Variants in TDRD9 observed in about 807,000 individuals in gnomAD.
TDRD9 encodes ATP-dependent RNA helicase TDRD9.
TDRD9 carries 124 observed loss-of-function variants against 172.6 expected under a neutral mutation model. The ratio of observed to expected loss-of-function variants is 0.72; its 90% CI spans 0.62 to 0.83. The LOEUF (loss-of-function observed/expected upper bound fraction) is 0.83, where lower values mean the gene tolerates loss of function less well. Among genes scored for constraint, TDRD9 ranks in the 40% least tolerant of loss-of-function variants. The pLI is 0.00. For missense variants in TDRD9, 1,479 were observed against 1,714.1 expected (o/e 0.86, Z 2.42); for synonymous variants, 619 against 617.1 (o/e 1.00, Z -0.05).
At chr14:103,936,752 A>G (rs1397636223) in intron 1 of TDRD9, among the ~76,000 whole-genome samples, 5 of 152,210 alleles carry the variant, frequency 3.3e-5, no homozygotes, top group Non-Finnish European at 7.3e-5. Flanking sequence ...CCAGTAATCT[A>G]GCACCTAGAA....
intron 13 of TDRD9, among the ~76,000 whole-genome samples, chr14:104,001,489 G>A (rs948123560): frequency 6.6e-6 from 1 of 152,136 alleles, no homozygotes; most frequent in East Asian, 1.9e-4. Flanking sequence ...AATTCTTGCC[G>A]TGTAAATAAA....
chr14:103,964,542 T>C (rs921410287), intron 3 of TDRD9, among the ~76,000 whole-genome samples: 2 of 151,940 alleles, frequency 1.3e-5, no homozygotes, highest in African/African-American at 4.9e-5. Context: ...TGTTTGTTTG[T>C]TTTGAGATGG....
intron 1 of TDRD9, among the ~76,000 whole-genome samples, chr14:103,948,533 G>A (rs1368974480): frequency 2.6e-5 from 4 of 152,152 alleles, no homozygotes; most frequent in South Asian, 2.1e-4. Flanking sequence ...TTGAAGAGAT[G>A]TTTGTACACC....
intron 13 of TDRD9, among the ~76,000 whole-genome samples, chr14:104,001,522 A>G (rs1595970171): frequency 6.6e-6 from 1 of 152,204 alleles, no homozygotes; most frequent in East Asian, 1.9e-4. Flanking sequence ...ATTCATGTAC[A>G]GGTTTTTGTG....
chr14:104,047,642 C>T (rs977833619), intron 34 of TDRD9, among the ~76,000 whole-genome samples: 4 of 152,314 alleles, frequency 2.6e-5, no homozygotes, highest in Admixed American at 6.5e-5. Context: ...TGGTGTTAAA[C>T]GCGTGCTGAC....
chr14:103,962,208 T>C (rs2032540352), intron 2 of TDRD9, among the ~76,000 whole-genome samples: 1 of 152,226 alleles, frequency 6.6e-6, no homozygotes, highest in African/African-American at 2.4e-5. Context: ...ATACCTGTAT[T>C]TCATAAATTG....
Position 104,007,269 on chromosome 14 carries a change from G to A in TDRD9, c.2052+65G>A, listed in dbSNP as rs1217691493. 4 of 1,501,238 alleles carry A rather than the reference G, an allele frequency of 2.7e-6. No individual in the cohort carries two copies. In the Admixed American group the frequency reaches 7.1e-5, roughly 27 times the overall value. The allele number at this position is 1,501,238 out of a possible 1,614,324, so 93.0% of individuals were successfully genotyped here. A position where few individuals can be genotyped will look rare whatever the true frequency, so the allele number is the denominator to read the frequency against. On this transcript the variant is annotated intron_variant, in intron 19 of 35. Coordinates refer to ENST00000409874, the MANE Select transcript of TDRD9 (RefSeq NM_153046.3). ...AGTAATGAGAGAAGGACTCTGTCTT[G>A]GTACAGTCATAGCGTGTGAATCATG...
intron 1 of TDRD9, chr14:103,940,002 A>G (rs1396418754): frequency 6.6e-6 from 1 of 151,744 alleles, no homozygotes; most frequent in African/African-American, 2.4e-5. Flanking sequence ...GGTTCCTTGG[A>G]CTTAACTTTA....
At chr14:103,994,791 C>T (rs548545134) in intron 11 of TDRD9, among the ~76,000 whole-genome samples, 188 bp downstream of exon 11, 13 of 151,860 alleles carry the variant, frequency 8.6e-5, no homozygotes, top group Non-Finnish European at 7.4e-5. Flanking sequence ...CCCATCTCTA[C>T]AAAAAATATA....
chr14:103,957,622 T>C (rs2032307525), intron 2 of TDRD9, among the ~76,000 whole-genome samples: 9 of 152,242 alleles, frequency 5.9e-5, no homozygotes, highest in Admixed American at 5.9e-4. Context: ...GGAAGAGTAC[T>C]GTGCAGCTTT....
chr14:104,018,924 T>C (rs1347025349), intron 23 of TDRD9, among the ~76,000 whole-genome samples: 1 of 152,212 alleles, frequency 6.6e-6, no homozygotes, highest in Non-Finnish European at 1.5e-5. Context: ...CCCTCCGGCA[T>C]TTTAAGTTCC....
At position 104,034,950 on chromosome 14, in the gene TDRD9, A is replaced by T. The variant is rs1373554683; in HGVS notation, c.3620-10A>T. Reference sequence around the variant, plus strand: ...TAATGCCCGATGTTGATTTAGCATGACTTGAACAGGATCTACGATGCTGCT... The same window carrying T: ...TAATGCCCGATGTTGATTTAGCATGTCTTGAACAGGATCTACGATGCTGCT... On this transcript the variant is annotated splice_polypyrimidine_tract_variant and intron_variant, in intron 31 of 35. Coordinates refer to ENST00000409874, the MANE Select transcript of TDRD9 (RefSeq NM_153046.3). 6.5e-7 allele frequency: 1 copy of T among 1,549,620 alleles called. No homozygotes were observed. Among genetic ancestry groups the T allele is most frequent in the Non-Finnish European group, 8.7e-7 (1 of 1,145,318 alleles).
intron 14 of TDRD9, among the ~76,000 whole-genome samples, chr14:104,004,537 C>T (rs1450563104): frequency 6.6e-6 from 1 of 152,110 alleles, no homozygotes; most frequent in Non-Finnish European, 1.5e-5. Context: ...CACCACCACG[C>T]CCAGCTAATT....
chr14:103,980,844 CA>C lies in TDRD9; in HGVS notation c.1011+5292del, dbSNP rs980132699. On this transcript the variant is annotated intron_variant, in intron 7 of 35. Transcript: ENST00000409874. The surrounding 1 kb of genome is among the most constrained non-coding windows in gnomAD (Gnocchi z 4.5). ...GAGCCCTCTGGTGGCCCTGTCCGGG[CA>C]TAACAGAAGGCTCGCACTCTTGTCT... 6.6e-6 allele frequency among the ~76,000 whole-genome samples: 1 copy of C among 152,196 alleles called. No homozygotes were observed. The highest frequency in any genetic ancestry group is 1.5e-5 in the Non-Finnish European group (1 of 68,042).
intron 20 of TDRD9, among the ~76,000 whole-genome samples, chr14:104,011,876 AT>A (rs1344227853): frequency 6.6e-6 from 1 of 152,166 alleles, no homozygotes; most frequent in Non-Finnish European, 1.5e-5. Context: ...CTTATGATTT[AT>A]TTTAGCCAAA....
chr14:104,025,671 C>G lies in TDRD9; in HGVS notation c.2826C>G (p.Pro942=), dbSNP rs1250520449. Residue 942 remains proline, a synonymous_variant, in exon 26 of 36, where the codon CCC becomes CCG. Transcript: ENST00000409874. ...EINQLTLVPL[P]THPHPDLVCL... is the part of the protein sequence containing the mutation. ...ACCAACTGACGCTGGTGCCCTTGCC[C>G]ACTCACCCACATCCAGACTTGGTCT... is the stretch of plus-strand genomic sequence containing the variant. 6.2e-7 allele frequency: 1 copy of G among 1,613,954 alleles called. No individual in the cohort carries two copies. Among genetic ancestry groups the G allele is most frequent in the Non-Finnish European group, 8.5e-7 (1 of 1,179,880 alleles).
rs1317544803 is a variant in TDRD9 at position 103,940,886 on chromosome 14, C to T, written c.215+12162C>T. Reference sequence around the variant, plus strand: ...AACCTGTCCTTTGTGTTTTTGTCTACGTAACTGGAAATGGTGGGTATTTCA... The same window carrying T: ...AACCTGTCCTTTGTGTTTTTGTCTATGTAACTGGAAATGGTGGGTATTTCA... On this transcript the variant is annotated intron_variant, in intron 1 of 35. Coordinates refer to ENST00000409874, the MANE Select transcript of TDRD9 (RefSeq NM_153046.3). The T allele has an allele frequency of 1.9e-5, 29 of 1,535,270 alleles. 1 individual carries two copies. In the Admixed American group the frequency reaches 3.1e-4, roughly 17 times the overall value.
At chr14:104,014,863 AT>A (rs59025288) in intron 21 of TDRD9, 22 bp downstream of exon 21, 40 of 1,320,912 alleles carry the variant, frequency 3.0e-5, no homozygotes, top group South Asian at 5.1e-5. Flanking sequence ...TTTCCTGGAT[AT>A]TTTTTTTCCT....
chr14:104,027,505 G>A (rs901441291), intron 28 of TDRD9, among the ~76,000 whole-genome samples: 5 of 152,224 alleles, frequency 3.3e-5, no homozygotes, highest in African/African-American at 1.2e-4. Context: ...CTGTTTCTTT[G>A]AAAATCAGTG....
Sources: allele counts gnomAD v4.1 joint callset (sites outside exome capture counted in the v4.1 genomes callset), GRCh38; gene constraint gnomAD v4.1.1; non-coding constraint Gnocchi (gnomAD v3.1); transcripts MANE v1.5; gene names NCBI Gene and HGNC (gene_info 2026-07-23, HGNC 2026-07-21).